NR5A2: variants seen among roughly 807,000 people sequenced by gnomAD.
The protein encoded by NR5A2 is CYP7A promoter-binding factor.
In NR5A2, 26 loss-of-function variants were observed where a neutral mutation model predicts 62.7. The observed-to-expected ratio is 0.41, with a 90% CI of 0.30 to 0.58. The LOEUF (loss-of-function observed/expected upper bound fraction) is 0.58. Among genes scored for constraint, NR5A2 ranks in the 20% least tolerant of loss-of-function variants. The pLI is 0.22. For missense variants in NR5A2, 541 were observed against 669.1 expected (o/e 0.81, Z 2.11); for synonymous variants, 246 against 241.7 (o/e 1.02, Z -0.16).
At chr1:200,151,737 T>C (rs2102364854) in intron 7 of NR5A2, among the ~76,000 whole-genome samples, 1 of 152,322 alleles carries the variant, frequency 6.6e-6, no homozygotes, top group South Asian at 2.1e-4. Flanking sequence ...CTACGTGGTT[T>C]TTGTTTCTGG....
chr1:200,049,603 A>C (rs1662534768), intron 5 of NR5A2, among the ~76,000 whole-genome samples: 1 of 152,222 alleles, frequency 6.6e-6, no homozygotes, highest in African/African-American at 2.4e-5. Context: ...TTGGAATCTA[A>C]GAGGGGCTAC....
At chr1:200,052,767 G>A (rs1196439808) in intron 5 of NR5A2, among the ~76,000 whole-genome samples, 2 of 151,762 alleles carry the variant, frequency 1.3e-5, no homozygotes, top group East Asian at 3.9e-4. Context: ...TCAGCCTCCT[G>A]AGTAGCTGGG....
At chr1:200,119,414 G>A (rs183941531) in intron 6 of NR5A2, among the ~76,000 whole-genome samples, 7 of 152,262 alleles carry the variant, frequency 4.6e-5, no homozygotes, top group Non-Finnish European at 8.8e-5. Flanking sequence ...ATTTGCTGCT[G>A]CTGCAAATAT....
chr1:200,122,031 A>G (rs1666501720), intron 7 of NR5A2, among the ~76,000 whole-genome samples: 1 of 152,230 alleles, frequency 6.6e-6, no homozygotes, highest in South Asian at 2.1e-4. Flanking sequence ...CATTTAAAAT[A>G]AAAAGAGCAT....
chr1:200,130,487 G>A (rs1276630923), intron 7 of NR5A2, among the ~76,000 whole-genome samples: 1 of 152,174 alleles, frequency 6.6e-6, no homozygotes, highest in African/African-American at 2.4e-5. Context: ...AAATAGCAGT[G>A]CCTGTTCTTA....
chr1:200,031,172 C>G (rs914150787), intron 1 of NR5A2, among the ~76,000 whole-genome samples: 2 of 152,078 alleles, frequency 1.3e-5, no homozygotes, highest in Non-Finnish European at 2.9e-5. Flanking sequence ...TCAGATTCCT[C>G]TTTTCTGGCC....
rs549497695 is a variant in NR5A2, at chr1:200,115,988, T to C, written c.1230+4667T>C. 1.8e-3 allele frequency among the ~76,000 whole-genome samples: 274 copies of C among 152,054 alleles called. 1 individual carries two copies. The highest frequency in any genetic ancestry group is 3.0e-3 in the Non-Finnish European group (202 of 68,000). ...CAGCCTCAGCCAGAAGAAATACAAT[T>C]CACTCATTATAGATTTCCAGGTTTA... On this transcript the variant is annotated intron_variant, in intron 6 of 7. Transcript: ENST00000367362.
intron 5 of NR5A2, among the ~76,000 whole-genome samples, chr1:200,103,183 G>C (rs1045535473): frequency 1.5e-5 from 2 of 136,694 alleles, no homozygotes; most frequent in African/African-American, 5.6e-5. Flanking sequence ...GAGTGCAATG[G>C]AGTGGTCTCG....
At chr1:200,134,567 C>T (rs1667131709) in intron 7 of NR5A2, among the ~76,000 whole-genome samples, 1 of 152,138 alleles carries the variant, frequency 6.6e-6, no homozygotes, top group Admixed American at 6.6e-5. Context: ...CTATGATGAT[C>T]GCGCAACGAA....
intron 7 of NR5A2, among the ~76,000 whole-genome samples, chr1:200,150,436 T>G (rs1206997093): frequency 3.3e-5 from 5 of 152,216 alleles, no homozygotes; most frequent in African/African-American, 4.8e-5. Flanking sequence ...TCTGGATGAT[T>G]ATCAGTACCA....
chr1:200,087,020 T>C (rs528422752), intron 5 of NR5A2, among the ~76,000 whole-genome samples: 9 of 152,020 alleles, frequency 5.9e-5, no homozygotes, highest in African/African-American at 1.9e-4. Flanking sequence ...GCCTGGGATA[T>C]AGAATGAGAC....
chr1:200,028,995 G>A, intron 1 of NR5A2: 2 of 420,038 alleles, frequency 4.8e-6, no homozygotes, highest in Admixed American at 2.6e-5. Flanking sequence ...ACATGGGGAA[G>A]GTAAGCAGGG....
chr1:200,156,440 C>T lies in NR5A2; in HGVS notation c.1379-17523C>T, dbSNP rs532997191. Among the ~76,000 whole-genome samples, 345 of 152,336 alleles carry T rather than the reference C, an allele frequency of 2.3e-3. 1 individual carries two copies. The highest frequency in any genetic ancestry group is 8.1e-3 in the African/African-American group (337 of 41,580). Reference sequence around the variant, plus strand: ...TGAGACGGAGTCTCACTCTGTCACCCAGGCTGGAGTGCAGTGGCGTGATCT... The same window carrying T: ...TGAGACGGAGTCTCACTCTGTCACCTAGGCTGGAGTGCAGTGGCGTGATCT... On this transcript the variant is annotated intron_variant, in intron 7 of 7. Coordinates refer to ENST00000367362, the MANE Select transcript of NR5A2 (RefSeq NM_205860.3).
At chr1:200,145,609 G>C (rs1571553215) in intron 7 of NR5A2, among the ~76,000 whole-genome samples, 3 of 151,934 alleles carry the variant, frequency 2.0e-5, no homozygotes, top group African/African-American at 7.3e-5. Context: ...GGTTACACTA[G>C]GTTCTTATGT....
At chr1:200,154,874 G>T (rs886556197) in intron 7 of NR5A2, among the ~76,000 whole-genome samples, 2 of 152,160 alleles carry the variant, frequency 1.3e-5, no homozygotes, top group Admixed American at 6.5e-5. Flanking sequence ...TGCCTTAGTG[G>T]CTGGAAGCTC....
In NR5A2 at chr1:200,108,081, C is replaced by CGTGTGTGTGTGTGTGTGT. The variant is rs71132660; in HGVS notation, c.1111-3104_1111-3087dup. Among the ~76,000 whole-genome samples the CGTGTGTGTGTGTGTGTGT allele has an allele frequency of 7.0e-3, 1,032 of 146,866 alleles. 24 individuals carry two copies. Among genetic ancestry groups the CGTGTGTGTGTGTGTGTGT allele is most frequent in the East Asian group, 0.056 (266 of 4,790 alleles). Reference sequence around the variant, plus strand: ...TGATGAGATGGCTCTAGAAGACATACGTGTGTGTGTGTGTGTGTGTGTGTG... The same window carrying CGTGTGTGTGTGTGTGTGT: ...TGATGAGATGGCTCTAGAAGACATACGTGTGTGTGTGTGTGTGTGTGTGTGTGTGTGTGTGTGTGTGTG... On this transcript the variant is annotated intron_variant, in intron 5 of 7. Coordinates refer to ENST00000367362, the MANE Select transcript of NR5A2 (RefSeq NM_205860.3).
chr1:200,144,291 G>A (rs1246987318), intron 7 of NR5A2, among the ~76,000 whole-genome samples: 1 of 149,478 alleles, frequency 6.7e-6, no homozygotes, highest in African/African-American at 2.5e-5. Context: ...TCAAGGCCAG[G>A]ATCTCCTAAA....
intron 5 of NR5A2, among the ~76,000 whole-genome samples, chr1:200,082,470 G>A (rs191530505): frequency 1.8e-4 from 28 of 152,190 alleles, no homozygotes; most frequent in African/African-American, 6.0e-4. Flanking sequence ...TTTGGTTCAC[G>A]TTTTTCATTT....
intron 7 of NR5A2, among the ~76,000 whole-genome samples, chr1:200,166,614 A>AG (rs1409372408): frequency 2.6e-5 from 4 of 152,202 alleles, no homozygotes; most frequent in African/African-American, 7.2e-5. Context: ...TTGACACAAT[A>AG]GGGGAAAAAA....
Sources: allele counts gnomAD v4.1 joint callset (sites outside exome capture counted in the v4.1 genomes callset), GRCh38; gene constraint gnomAD v4.1.1; transcripts MANE v1.5; gene names NCBI Gene and HGNC (gene_info 2026-07-23, HGNC 2026-07-21).